TBC1D32: variants seen among roughly 807,000 people sequenced by gnomAD.
TBC1D32 encodes TBC1 domain family member 32, also known as protein broad-minded.
In TBC1D32, 151 loss-of-function variants were observed where a neutral mutation model predicts 170.3. The ratio of observed to expected loss-of-function variants is 0.89; its 90% CI spans 0.78 to 1.01. TBC1D32 has a LOEUF of 1.01. Among genes scored for constraint, TBC1D32 ranks in the 50% least tolerant of loss-of-function variants. The probability of loss-of-function intolerance (pLI) is 0.00; values close to 1 mark genes in which losing one functional copy is unlikely to be tolerated. For missense variants in TBC1D32, 1,464 were observed against 1,457.1 expected (o/e 1.00, Z -0.08); for synonymous variants, 498 against 488.0 (o/e 1.02, Z -0.27).
intron 22 of TBC1D32, among the ~76,000 whole-genome samples, chr6:121,190,293 A>C (rs1583148075): frequency 5.7e-5 from 6 of 104,790 alleles, no homozygotes; most frequent in Admixed American, 1.2e-4. Flanking sequence ...CCTCCACCTT[A>C]TCCTTTCTTC....
intron 22 of TBC1D32, among the ~76,000 whole-genome samples, chr6:121,179,073 A>G (rs973699769): frequency 8.5e-5 from 13 of 152,272 alleles, no homozygotes; most frequent in African/African-American, 2.9e-4. Flanking sequence ...AGAGCAATAA[A>G]AAATAATACA....
intron 21 of TBC1D32, among the ~76,000 whole-genome samples, chr6:121,213,287 A>G (rs1025780878): frequency 2.6e-5 from 4 of 151,956 alleles, no homozygotes; most frequent in Admixed American, 1.3e-4. Context: ...GCATGATTCT[A>G]TATCTAGAGA....
chr6:121,136,321 T>C (rs914248148), intron 24 of TBC1D32, among the ~76,000 whole-genome samples: 2 of 152,168 alleles, frequency 1.3e-5, no homozygotes, highest in African/African-American at 2.4e-5. Context: ...AAAGAATGTA[T>C]CCTATGTAAT....
intron 20 of TBC1D32, among the ~76,000 whole-genome samples, chr6:121,233,658 G>A (rs1352180364): frequency 1.2e-4 from 18 of 151,940 alleles, no homozygotes; most frequent in Admixed American, 7.2e-4. Flanking sequence ...ATTCTTATCC[G>A]TTCTGCCATT....
At chr6:121,110,802 G>A (rs145383318) in intron 29 of TBC1D32, among the ~76,000 whole-genome samples, 2 of 152,288 alleles carry the variant, frequency 1.3e-5, no homozygotes, top group African/African-American at 4.8e-5. Context: ...TCGTATAAAT[G>A]TAAGATATTA....
At chr6:121,182,781 C>T (rs555845265) in intron 22 of TBC1D32, among the ~76,000 whole-genome samples, 37 of 150,272 alleles carry the variant, frequency 2.5e-4, no homozygotes, top group Non-Finnish European at 4.6e-4. Context: ...TTTTGTTGGC[C>T]CCAACCCAAA....
intron 24 of TBC1D32, among the ~76,000 whole-genome samples, chr6:121,148,121 G>A (rs550808960): frequency 6.6e-6 from 1 of 152,056 alleles, no homozygotes; most frequent in African/African-American, 2.4e-5. Context: ...TTCTCCTAAT[G>A]CTATCCCACC....
At chr6:121,175,049 T>G (rs1787582736) in intron 22 of TBC1D32, among the ~76,000 whole-genome samples, 2 of 151,138 alleles carry the variant, frequency 1.3e-5, no homozygotes, top group South Asian at 4.2e-4. Flanking sequence ...CTGATAAGAT[T>G]TCCTGGTGAA....
chr6:121,305,915 CG>C (rs1159102514), intron 5 of TBC1D32, among the ~76,000 whole-genome samples: 1 of 151,948 alleles, frequency 6.6e-6, no homozygotes, highest in African/African-American at 2.4e-5. Context: ...ATTTTATTAG[CG>C]TAAGTAATAA....
At chr6:121,242,638 C>A (rs1797125999) in intron 17 of TBC1D32, among the ~76,000 whole-genome samples, 1 of 152,086 alleles carries the variant, frequency 6.6e-6, no homozygotes, top group Non-Finnish European at 1.5e-5. Context: ...TAATTTCCTT[C>A]TATTTTCCTA....
rs535054852 is a variant in TBC1D32, at chr6:121,323,757, T to C, written c.156-1963A>G. On this transcript the variant is annotated intron_variant, in intron 1 of 31. Coordinates refer to ENST00000398212, the MANE Select transcript of TBC1D32 (RefSeq NM_152730.6). ...GAGATCGAGACCATCCTGGCCAGTA[T>C]GGTGAAATCCCATTTCTACCAAAAA... Among the ~76,000 whole-genome samples, 294 of 152,290 alleles carry C rather than the reference T, an allele frequency of 1.9e-3. 1 individual carries two copies. The highest frequency in any genetic ancestry group is 6.5e-3 in the African/African-American group (271 of 41,548).
At chr6:121,295,600 G>T (rs1278367487) in intron 10 of TBC1D32, among the ~76,000 whole-genome samples, 1 of 151,870 alleles carries the variant, frequency 6.6e-6, no homozygotes. Flanking sequence ...AGCCAACAGA[G>T]GGGAAGAGTT....
chr6:121,085,502 AT>A (rs1417511103), intron 31 of TBC1D32, among the ~76,000 whole-genome samples: 1 of 151,248 alleles, frequency 6.6e-6, no homozygotes, highest in East Asian at 1.9e-4. Context: ...AGTCCCTTAA[AT>A]TTTCGAATCC....
chr6:121,284,906 T>G (rs1430628060), intron 12 of TBC1D32, among the ~76,000 whole-genome samples: 1 of 152,110 alleles, frequency 6.6e-6, no homozygotes, highest in Non-Finnish European at 1.5e-5. Context: ...ACCTACTGAG[T>G]GCTCATTATG....
At chr6:121,324,978 A>G (rs900500900) in intron 1 of TBC1D32, among the ~76,000 whole-genome samples, 31 of 152,232 alleles carry the variant, frequency 2.0e-4, no homozygotes, top group African/African-American at 7.5e-4. Context: ...GGGAGGCCGA[A>G]GCAGGTGGAT....
At chr6:121,308,715 G>A (rs1211738311) in intron 4 of TBC1D32, among the ~76,000 whole-genome samples, 1 of 103,700 alleles carries the variant, frequency 9.6e-6, no homozygotes, top group African/African-American at 5.3e-5. Context: ...TTGAGACGGA[G>A]TCTCGCTCTG....
At chr6:121,232,891 G>A (rs551527239) in intron 20 of TBC1D32, among the ~76,000 whole-genome samples, 53 of 152,110 alleles carry the variant, frequency 3.5e-4, no homozygotes, top group African/African-American at 1.3e-3. Context: ...CGCTTTTGCT[G>A]TATCTAGAGG....
intron 4 of TBC1D32, among the ~76,000 whole-genome samples, chr6:121,308,799 T>C (rs1807746744): frequency 6.7e-6 from 1 of 149,904 alleles, no homozygotes; most frequent in Non-Finnish European, 1.5e-5. Flanking sequence ...TTAATCAGTC[T>C]TCTCAAAATG....
chr6:121,192,615 T>G (rs1314811), intron 22 of TBC1D32: 150,540 of 152,270 alleles, frequency 0.99, 74,448 homozygotes, highest in Non-Finnish European at 1. Context: ...TGCAACAAAA[T>G]GTGCATGCAC....
Sources: allele counts gnomAD v4.1 joint callset (sites outside exome capture counted in the v4.1 genomes callset), GRCh38; gene constraint gnomAD v4.1.1; transcripts MANE v1.5; gene names NCBI Gene and HGNC (gene_info 2026-07-23, HGNC 2026-07-21).